ATG4C: variants seen among roughly 807,000 people sequenced by gnomAD.
ATG4C encodes the protein autophagy related 4C cysteine peptidase.
In ATG4C, 56 loss-of-function variants were observed where a neutral mutation model predicts 57.6. The observed-to-expected ratio is 0.97, with a 90% CI of 0.78 to 1.21. ATG4C has a LOEUF of 1.21. Ranked by LOEUF, ATG4C falls within the 50% of genes most tolerant of loss-of-function variation. ATG4C has a pLI of 0.00. For missense variants in ATG4C, 595 were observed against 529.8 expected (o/e 1.12, Z -1.21); for synonymous variants, 157 against 174.1 (o/e 0.90, Z 0.78).
At chr1:62,792,810 A>T (rs192516297) in intron 1 of ATG4C, among the ~76,000 whole-genome samples, 197 of 152,190 alleles carry the variant, frequency 1.3e-3, no homozygotes, top group African/African-American at 4.5e-3. Flanking sequence ...TTTACTGTAT[A>T]GGTGGTTGAA....
intron 1 of ATG4C, among the ~76,000 whole-genome samples, chr1:62,797,062 C>T (rs746569263): frequency 9.2e-5 from 14 of 151,460 alleles, no homozygotes; most frequent in African/African-American, 1.7e-4. Context: ...GAGCTGAGAT[C>T]GCACCATTGC....
intron 7 of ATG4C, among the ~76,000 whole-genome samples, chr1:62,832,967 G>A (rs1665887531): frequency 6.6e-6 from 1 of 152,162 alleles, no homozygotes; most frequent in Non-Finnish European, 1.5e-5. Flanking sequence ...ATCTGTGTGT[G>A]TATGTATGTA....
rs1370678084 is a variant in ATG4C at position 62,819,228 on chromosome 1, T to C, written c.618T>C (p.Asp206=). 1.2e-6 allele frequency: 2 copies of C among 1,613,516 alleles called. No homozygotes were observed. The highest frequency in any genetic ancestry group is 1.7e-6 in the Non-Finnish European group (2 of 1,179,714). Residue 206 remains aspartate, a synonymous_variant, in exon 5 of 11, where the codon GAT becomes GAC. Transcript: ENST00000317868. ...GGAAAATCATCTCTTGGTTTGGTGA[T>C]TCCCCCTTGGCTCTTTTTGGCTTAC... The part of the protein sequence containing the change: ...YHRKIISWFG[D]SPLALFGLHQ...
chr1:62,793,597 GAAA>G (rs746057232), intron 1 of ATG4C, among the ~76,000 whole-genome samples: 2 of 20,538 alleles, frequency 9.7e-5, no homozygotes, highest in Non-Finnish European at 1.8e-4. Flanking sequence ...ACCTTGTCTC[GAAA>G]AAAAAAAAAA....
At chr1:62,856,327 G>A (rs528613572) in intron 10 of ATG4C, among the ~76,000 whole-genome samples, 1 of 152,236 alleles carries the variant, frequency 6.6e-6, no homozygotes, top group Admixed American at 6.5e-5. Context: ...GAAATCTTCA[G>A]CAGCTTATAG....
intron 7 of ATG4C, among the ~76,000 whole-genome samples, chr1:62,832,961 G>T (rs2100336040): frequency 6.6e-6 from 1 of 152,252 alleles, no homozygotes; most frequent in African/African-American, 2.4e-5. Flanking sequence ...TTGTAAATCT[G>T]TGTGTGTATG....
intron 1 of ATG4C, among the ~76,000 whole-genome samples, chr1:62,787,742 A>G (rs896032094): frequency 3.3e-5 from 5 of 151,984 alleles, no homozygotes; most frequent in African/African-American, 9.7e-5. Flanking sequence ...TAAATTTATA[A>G]GATGAGGATA....
chr1:62,861,831 A>G (rs1666868679), intron 10 of ATG4C, among the ~76,000 whole-genome samples: 1 of 152,178 alleles, frequency 6.6e-6, no homozygotes. Flanking sequence ...TTTATTTTGT[A>G]TAGTATCTCC....
intron 10 of ATG4C, among the ~76,000 whole-genome samples, chr1:62,845,844 G>T (rs1243902543): frequency 1.3e-5 from 2 of 152,234 alleles, no homozygotes; most frequent in African/African-American, 4.8e-5. Flanking sequence ...TGGGATTACA[G>T]GTGTGCACCA....
intron 1 of ATG4C, among the ~76,000 whole-genome samples, chr1:62,799,656 T>C (rs1444854879): frequency 6.6e-6 from 1 of 152,162 alleles, no homozygotes. Flanking sequence ...AGTAGGTGTA[T>C]ATATTTATGG....
At chr1:62,840,949 CCT>C (rs1347983396) in intron 9 of ATG4C, among the ~76,000 whole-genome samples, 1 of 152,166 alleles carries the variant, frequency 6.6e-6, no homozygotes, top group Non-Finnish European at 1.5e-5. Flanking sequence ...CTCAAGTTGA[CCT>C]CTTTTTATGT....
chr1:62,802,014 T>A (rs1664695570), intron 1 of ATG4C, among the ~76,000 whole-genome samples: 1 of 150,654 alleles, frequency 6.6e-6, no homozygotes, highest in Admixed American at 6.6e-5. Context: ...ACTCTCTGCT[T>A]GTGTTTCTCA....
At chr1:62,828,426 C>T (rs1665736086) in intron 6 of ATG4C, among the ~76,000 whole-genome samples, 1 of 151,992 alleles carries the variant, frequency 6.6e-6, no homozygotes, top group African/African-American at 2.4e-5. Context: ...TTTTAATACG[C>T]TTATTGGCTA....
chr1:62,791,147 A>T (rs1664262773), intron 1 of ATG4C, among the ~76,000 whole-genome samples: 2 of 152,144 alleles, frequency 1.3e-5, no homozygotes, highest in Admixed American at 1.3e-4. Context: ...CTCTATTGTG[A>T]GATATAACCA....
At chr1:62,818,724 G>A (rs1294198371) in intron 4 of ATG4C, among the ~76,000 whole-genome samples, 1 of 151,990 alleles carries the variant, frequency 6.6e-6, no homozygotes, top group African/African-American at 2.4e-5. Context: ...GAATAATTCA[G>A]TGGTTCTTAG....
At chr1:62,860,533 C>T (rs569592423) in intron 10 of ATG4C, among the ~76,000 whole-genome samples, 52 of 152,258 alleles carry the variant, frequency 3.4e-4, no homozygotes, top group African/African-American at 1.2e-3. Context: ...TCTTATAGGA[C>T]CACTGTTGTA....
At chr1:62,820,579 TA>T (rs1665450293) in intron 5 of ATG4C, among the ~76,000 whole-genome samples, 2 of 152,126 alleles carry the variant, frequency 1.3e-5, no homozygotes. Context: ...TCACATCATG[TA>T]CACCATTGAG....
At chr1:62,820,009 T>A (rs1292291840) in intron 5 of ATG4C, among the ~76,000 whole-genome samples, 1 of 152,080 alleles carries the variant, frequency 6.6e-6, no homozygotes, top group Non-Finnish European at 1.5e-5. Flanking sequence ...TAGCATGTTG[T>A]GATTTAAATT....
At chr1:62,851,985 T>A (rs957007047) in intron 10 of ATG4C, among the ~76,000 whole-genome samples, 17 of 152,222 alleles carry the variant, frequency 1.1e-4, no homozygotes, top group African/African-American at 3.9e-4. Flanking sequence ...GCAGGCTTAC[T>A]GAGTGCCTTG....
Sources: gnomAD v4.1 joint callset for allele counts (sites outside exome capture counted in the v4.1 genomes callset) on GRCh38, gnomAD v4.1.1 for gene constraint, MANE v1.5 for transcripts, NCBI Gene and HGNC (gene_info 2026-07-23, HGNC 2026-07-21) for gene names.